MLIP: variants seen among roughly 807,000 people sequenced by gnomAD.
The protein encoded by MLIP is muscular LMNA interacting protein, also known as muscular LMNA-interacting protein.
Under a neutral mutation model 84.8 loss-of-function variants are expected in MLIP, and 79 were observed. The ratio of observed to expected loss-of-function variants is 0.93; its 90% CI spans 0.78 to 1.12. The LOEUF is 1.12. Among genes scored for constraint, MLIP ranks in the 50% most tolerant of loss-of-function variants. The pLI, the probability that MLIP is intolerant of heterozygous loss-of-function variation, is 0.00. For synonymous variants in MLIP, 504 were observed against 463.0 expected (o/e 1.09, Z -1.14); for missense variants, 1,257 against 1,160.6 (o/e 1.08, Z -1.21).
chr6:54,213,718 A>AC (rs1779630608), intron 11 of MLIP, among the ~76,000 whole-genome samples: 3 of 121,220 alleles, frequency 2.5e-5, no homozygotes, highest in South Asian at 2.7e-4. Context: ...AAAAAAAAAA[A>AC]AAAAAAAAAA....
intron 12 of MLIP, among the ~76,000 whole-genome samples, chr6:54,239,381 T>TATATACAC (rs1781577523): frequency 6.8e-6 from 1 of 147,164 alleles, no homozygotes; most frequent in Non-Finnish European, 1.5e-5. Context: ...TATATATATA[T>TATATACAC]AATATATATA....
At chr6:54,094,946 A>G (rs992617866) in intron 1 of MLIP, among the ~76,000 whole-genome samples, 1 of 152,184 alleles carries the variant, frequency 6.6e-6, no homozygotes, top group Non-Finnish European at 1.5e-5. Flanking sequence ...AATGAAGAAA[A>G]CAACCTCCAA....
At chr6:54,124,980 A>G in intron 3 of MLIP, 115 bp downstream of exon 3, 1 of 838,236 alleles carries the variant, frequency 1.2e-6, no homozygotes, top group Non-Finnish European at 1.7e-6. Flanking sequence ...TCAAAGAAAA[A>G]TATATTTAAA....
Position 54,169,553 on chromosome 6 carries a change from C to G in MLIP, c.2525C>G (p.Ala842Gly), listed in dbSNP as rs1775558608. ...ACTCCTACAACTCTTCCAAGAGCAGCTGGTCGAGAAACCAAATATGTAAGT... is the reference window on the plus strand; with the variant it reads ...ACTCCTACAACTCTTCCAAGAGCAGGTGGTCGAGAAACCAAATATGTAAGT... ...VKTPTTLPRA[A>G]GRETKYANLS... The change falls in exon 9 of 14, where the codon GCT (alanine) becomes GGT (glycine). Residue 842 changes from alanine to glycine, a missense_variant. Transcript: ENST00000502396. 2 of 1,590,196 alleles carry G rather than the reference C, an allele frequency of 1.3e-6. No individual in the cohort carries two copies. The highest frequency in any genetic ancestry group is 4.6e-5 in the East Asian group (2 of 43,876).
At chr6:54,029,565 G>C (rs1331493709) in intron 1 of MLIP, 1 of 152,080 alleles carries the variant, frequency 6.6e-6, no homozygotes, top group African/African-American at 2.4e-5. Context: ...TCCAGTCTCA[G>C]ATATTTTGTT....
At chr6:54,104,493 C>G (rs1373730660) in intron 1 of MLIP, among the ~76,000 whole-genome samples, 1 of 152,206 alleles carries the variant, frequency 6.6e-6, no homozygotes, top group Admixed American at 6.5e-5. Flanking sequence ...GTCAATCTAT[C>G]ATTCATTTAT....
intron 4 of MLIP, among the ~76,000 whole-genome samples, chr6:54,148,283 G>A (rs1773068277): frequency 6.6e-6 from 1 of 152,076 alleles, no homozygotes; most frequent in Non-Finnish European, 1.5e-5. Context: ...CTGAGTTTTT[G>A]ATTATGCATA....
Position 54,266,009 on chromosome 6 carries a change from G to A in MLIP, c.*54G>A, listed in dbSNP as rs542220766. The A allele has an allele frequency of 8.2e-6, 13 of 1,587,966 alleles. No homozygotes were observed. In the South Asian group the frequency reaches 1.5e-4, roughly 18 times the overall value. On this transcript the variant is annotated 3_prime_UTR_variant, in exon 14 of 14. Coordinates refer to ENST00000502396, the MANE Select transcript of MLIP (RefSeq NM_001281747.2). Reference sequence around the variant, plus strand: ...TGCTGAAGTTTTTTGGAATGCTGGTGCTAACCACTTGCTAGATTTAACTTT... The same window carrying A: ...TGCTGAAGTTTTTTGGAATGCTGGTACTAACCACTTGCTAGATTTAACTTT...
intron 12 of MLIP, among the ~76,000 whole-genome samples, chr6:54,251,867 A>G (rs1782565130): frequency 1.2e-5 from 1 of 84,304 alleles, no homozygotes; most frequent in East Asian, 3.6e-4. Context: ...ATAAATATAT[A>G]TTATAACATA....
At chr6:54,208,713 T>C (rs565731990) in intron 11 of MLIP, among the ~76,000 whole-genome samples, 1 of 152,212 alleles carries the variant, frequency 6.6e-6, no homozygotes, top group African/African-American at 2.4e-5. Context: ...GAACCACAGA[T>C]GGTAACAATC....
intron 3 of MLIP, among the ~76,000 whole-genome samples, chr6:54,125,488 TAG>T (rs1770847899): frequency 6.6e-6 from 1 of 152,134 alleles, no homozygotes; most frequent in Admixed American, 6.5e-5. Flanking sequence ...TCTTTTAAGG[TAG>T]AGAGAGTCTG....
chr6:54,218,801 C>T (rs772443358), intron 11 of MLIP, among the ~76,000 whole-genome samples: 22 of 151,548 alleles, frequency 1.5e-4, no homozygotes, highest in Non-Finnish European at 2.7e-4. Context: ...CAGGTGTGAG[C>T]CACCACAACT....
At position 54,160,799 on chromosome 6, in the gene MLIP, A is replaced by T; in HGVS notation, c.2499A>T (p.Lys833Asn). The change falls in exon 8 of 14, where the codon AAA (lysine) becomes AAT (asparagine). Residue 833 changes from lysine to asparagine, a missense_variant and splice_region_variant. Physicochemically the swap from Lys to Asn is moderately conservative, Grantham distance 94 (BLOSUM62 0). Transcript: ENST00000502396. ...CATTGTTGGGTTCTGACACAGTCAA[A>T]GTATGTATGTATTTAATATAATTTA... is the stretch of plus-strand genomic sequence containing the variant. ...PKTLLGSDTV[K>N]TPTTLPRAAG... 3 of 1,605,074 alleles carry T rather than the reference A, an allele frequency of 1.9e-6. No homozygotes were observed. Among genetic ancestry groups the T allele is most frequent in the South Asian group, 1.1e-5 (1 of 90,620 alleles).
At chr6:54,125,033 A>T (rs564059346) in intron 3 of MLIP, among the ~76,000 whole-genome samples, 168 bp downstream of exon 3, 120 of 152,394 alleles carry the variant, frequency 7.9e-4, no homozygotes, top group African/African-American at 2.9e-3. Context: ...GTGTAAACAC[A>T]GATAATAAAT....
intron 11 of MLIP, among the ~76,000 whole-genome samples, chr6:54,205,857 C>G (rs968164662): frequency 6.6e-6 from 1 of 152,102 alleles, no homozygotes; most frequent in South Asian, 2.1e-4. Context: ...TTAATCTTCA[C>G]TCGTTATTCA....
At chr6:54,101,272 C>T (rs1768624189) in intron 1 of MLIP, among the ~76,000 whole-genome samples, 1 of 151,952 alleles carries the variant, frequency 6.6e-6, no homozygotes, top group African/African-American at 2.4e-5. Context: ...TGTAAGTAAA[C>T]ATGGTAATAT....
At chr6:54,152,208 G>A (rs1470710376) in intron 5 of MLIP, among the ~76,000 whole-genome samples, 1 of 152,052 alleles carries the variant, frequency 6.6e-6, no homozygotes, top group Admixed American at 6.6e-5. Flanking sequence ...AATGACATGA[G>A]GATGAAATGC....
At chr6:54,019,070 G>T (rs772191886) in exon 1 of MLIP, 2 of 1,610,366 alleles carry the variant, frequency 1.2e-6, no homozygotes, top group East Asian at 2.2e-5. Flanking sequence ...TATTAAACAA[G>T]AATTTAGAGG....
At chr6:54,185,649 T>C (rs1045534752) in intron 9 of MLIP, among the ~76,000 whole-genome samples, 32 of 152,202 alleles carry the variant, frequency 2.1e-4, no homozygotes, top group Admixed American at 1.2e-3. Context: ...GTAACTTCTT[T>C]CCTATAATTA....
Sources: gnomAD v4.1 joint callset for allele counts (sites outside exome capture counted in the v4.1 genomes callset) on GRCh38, gnomAD v4.1.1 for gene constraint, MANE v1.5 for transcripts, NCBI Gene and HGNC (gene_info 2026-07-23, HGNC 2026-07-21) for gene names.